The following SPCS3 variants were observed in gnomAD, a reference collection of about 807,000 sequenced individuals.
The protein encoded by SPCS3 is SPase 22 kDa subunit.
In SPCS3, 9 loss-of-function variants were observed where a neutral mutation model predicts 17.2. The ratio of observed to expected loss-of-function variants is 0.52; its 90% confidence interval spans 0.31 to 0.91. The LOEUF is 0.91. Among genes scored for constraint, SPCS3 ranks in the 40% least tolerant of loss-of-function variants. The pLI is 0.04. For missense variants in SPCS3, 139 were observed against 217.5 expected, an observed-to-expected ratio of 0.64 and a Z score of 2.27; for synonymous variants, 87 against 89.6, an observed-to-expected ratio of 0.97 and a Z score of 0.16.
At position 176,330,068 on chromosome 4, in the gene SPCS3, C is replaced by T. The variant is rs979584000; in HGVS notation, c.*1738C>T. 1 of 151,998 alleles carries T rather than the reference C, an allele frequency of 6.6e-6. No individual in the cohort carries two copies. Among genetic ancestry groups the T allele is most frequent in the Non-Finnish European group, 1.5e-5 (1 of 67,980 alleles). The allele number at this position is 151,998 out of a possible 1,614,324, so 9.4% of individuals were successfully genotyped here. ...TTATCTGTAAAATGACAGAGTTGGA[C>T]CAGTTAACTTTAATGGCCATCCTTT... On this transcript the variant is annotated 3_prime_UTR_variant, in exon 5 of 5. Coordinates refer to ENST00000503362, the MANE Select transcript of SPCS3 (RefSeq NM_021928.4).
In SPCS3 at chr4:176,322,234, A is replaced by T; in HGVS notation, c.208A>T (p.Ile70Leu). The part of the protein sequence containing the change: ...RSDLGFITFD[I>L]TADLENIFDW... ...TGATCTGGGATTTATCACATTTGATATAACTGCTGATATCCTTTAAGAAAA... is the reference window on the plus strand; with the variant it reads ...TGATCTGGGATTTATCACATTTGATTTAACTGCTGATATCCTTTAAGAAAA... Residue 70 changes from isoleucine (I) to leucine (L), a missense_variant, in exon 2 of 5, where the codon ATA becomes TTA. Coordinates refer to ENST00000503362, the MANE Select transcript of SPCS3 (RefSeq NM_021928.4). 6.3e-7 allele frequency: 1 copy of T among 1,592,224 alleles called. No homozygotes were observed. Among genetic ancestry groups the T allele is most frequent in the South Asian group, 1.1e-5 (1 of 90,366 alleles).
intron 3 of SPCS3, among the ~76,000 whole-genome samples, chr4:176,326,384 C>A (rs557862387): frequency 6.6e-6 from 1 of 151,976 alleles, no homozygotes; most frequent in East Asian, 1.9e-4. Flanking sequence ...GCCTTAAAAG[C>A]GAATAGATGC....
chr4:176,325,052 CTT>C (rs55912158), intron 3 of SPCS3, among the ~76,000 whole-genome samples: 12 of 123,856 alleles, frequency 9.7e-5, no homozygotes, highest in Admixed American at 1.7e-4. Context: ...TTTTTTTTTA[CTT>C]TTTTTTTTTT....
In SPCS3 at chr4:176,329,657, A is replaced by G. The variant is rs565023106; in HGVS notation, c.*1327A>G. On this transcript the variant is annotated 3_prime_UTR_variant, in exon 5 of 5. Transcript: ENST00000503362. Reference sequence around the variant, plus strand: ...TAAAAATAACTTAGAAATTCAGTACATAATACATGATTGAATACATGATCG... The same window carrying G: ...TAAAAATAACTTAGAAATTCAGTACGTAATACATGATTGAATACATGATCG... 2.0e-5 allele frequency: 3 copies of G among 152,294 alleles called. No homozygotes were observed. Among genetic ancestry groups the G allele is most frequent in the Admixed American group, 1.3e-4 (2 of 15,294 alleles). The allele number at this position is 152,294 out of a possible 1,614,324, so 9.4% of individuals were successfully genotyped here. A position where few individuals can be genotyped will look rare whatever the true frequency, so the allele number is the denominator to read the frequency against.
chr4:176,322,406 A>G (rs1410912303), intron 2 of SPCS3, among the ~76,000 whole-genome samples, 163 bp downstream of exon 2: 1 of 152,160 alleles, frequency 6.6e-6, no homozygotes, highest in Non-Finnish European at 1.5e-5. Flanking sequence ...TCCCCATGAC[A>G]CTTGGAGAAA....
chr4:176,325,915 A>G (rs1476177258), intron 3 of SPCS3, among the ~76,000 whole-genome samples: 1 of 152,088 alleles, frequency 6.6e-6, no homozygotes, highest in Non-Finnish European at 1.5e-5. Flanking sequence ...ATAACTTTCA[A>G]TCATAAACTA....
rs1180743263 is a variant in SPCS3, at chr4:176,330,872, G to T, written c.*2542G>T. 1 of 152,148 alleles carries T rather than the reference G, an allele frequency of 6.6e-6. No individual in the cohort carries two copies. The highest frequency in any genetic ancestry group is 1.9e-4 in the East Asian group (1 of 5,186). 9.4% of individuals were successfully genotyped at this position (152,148 alleles called of 1,614,324 possible). Reference sequence around the variant, plus strand: ...TAGAAATGAATTAATTTAAAAATGTGTTCACATATCCCTTTCTCTAACAGT... The same window carrying T: ...TAGAAATGAATTAATTTAAAAATGTTTTCACATATCCCTTTCTCTAACAGT... On this transcript the variant is annotated 3_prime_UTR_variant, in exon 5 of 5. Transcript: ENST00000503362.
intron 2 of SPCS3, among the ~76,000 whole-genome samples, chr4:176,323,300 A>G (rs981257757): frequency 1.3e-5 from 2 of 152,044 alleles, no homozygotes; most frequent in African/African-American, 4.8e-5. Flanking sequence ...ATTATAGTGA[A>G]ATTTCCTGGT....
At chr4:176,320,800 G>A (rs1731527417) in intron 1 of SPCS3, 1 of 152,288 alleles carries the variant, frequency 6.6e-6, no homozygotes, top group Non-Finnish European at 1.5e-5. Flanking sequence ...AACAGTTGGA[G>A]CTGCTTTGAA....
chr4:176,328,050 A>G lies in SPCS3; in HGVS notation c.411-148A>G, dbSNP rs942453088. 5.5e-4 allele frequency: 383 copies of G among 699,074 alleles called. 5 individuals are homozygous for G. The highest frequency in any genetic ancestry group is 1.3e-4 in the Non-Finnish European group (56 of 444,382). 43.3% of individuals were successfully genotyped at this position (699,074 alleles called of 1,614,324 possible). A position where few individuals can be genotyped will look rare whatever the true frequency, so the allele number is the denominator to read the frequency against. On this transcript the variant is annotated intron_variant, in intron 4 of 4. Transcript: ENST00000503362. ...CTTGGATTTTAAGTGACATGAGAAA[A>G]TAGTTCTTTTTGCAGATTAACATAT...
chr4:176,326,950 C>T (rs540419271), intron 3 of SPCS3: 2 of 388,412 alleles, frequency 5.1e-6, no homozygotes, highest in Non-Finnish European at 9.3e-6. Flanking sequence ...GGAATGAACT[C>T]CTTCAGGGAA....
rs1731683729 is a variant in SPCS3 at position 176,331,351 on chromosome 4, G to A, written c.*3021G>A. On this transcript the variant is annotated 3_prime_UTR_variant, in exon 5 of 5. Coordinates refer to ENST00000503362, the MANE Select transcript of SPCS3 (RefSeq NM_021928.4). ...GTGGGTTCATGGGGGAAAACCATGA[G>A]CTGTGAACATTGGTAGCAAACAAGC... 1 of 152,074 alleles carries A rather than the reference G, an allele frequency of 6.6e-6. No individual in the cohort carries two copies. Among genetic ancestry groups the A allele is most frequent in the African/African-American group, 2.4e-5 (1 of 41,398 alleles). 9.4% of individuals were successfully genotyped at this position (152,074 alleles called of 1,614,324 possible).
rs939535594 is a variant in SPCS3, at chr4:176,329,089, G to T, written c.*759G>T. The T allele has an allele frequency of 1.3e-5, 2 of 151,700 alleles. No individual in the cohort carries two copies. The highest frequency in any genetic ancestry group is 4.8e-5 in the African/African-American group (2 of 41,306). The allele number at this position is 151,700 out of a possible 1,614,324, so 9.4% of individuals were successfully genotyped here. ...GTTGCCATTGAAAGTTAAAATGTTTGCATGGTTTACCCTCTGAGTTATGTT... is the reference window on the plus strand; with the variant it reads ...GTTGCCATTGAAAGTTAAAATGTTTTCATGGTTTACCCTCTGAGTTATGTT... On this transcript the variant is annotated 3_prime_UTR_variant, in exon 5 of 5. Coordinates refer to ENST00000503362, the MANE Select transcript of SPCS3 (RefSeq NM_021928.4).
rs961723370 is a variant in SPCS3, at chr4:176,330,630, G to A, written c.*2300G>A. On this transcript the variant is annotated 3_prime_UTR_variant, in exon 5 of 5. Coordinates refer to ENST00000503362, the MANE Select transcript of SPCS3 (RefSeq NM_021928.4). ...CTTCAGTCTCAGGAACTCATTTTTG[G>A]GTGCAGTTTCTACATTTAAAAAATT... 3 of 152,168 alleles carry A rather than the reference G, an allele frequency of 2.0e-5. No homozygotes were observed. In the East Asian group the frequency reaches 5.8e-4, roughly 29 times the overall value. The allele number at this position is 152,168 out of a possible 1,614,324, so 9.4% of individuals were successfully genotyped here.
chr4:176,328,393 CCCTTA>C lies in SPCS3; in HGVS notation c.*65_*69del. 7.7e-7 allele frequency: 1 copy of C among 1,304,822 alleles called. No individual in the cohort carries two copies. The allele number at this position is 1,304,822 out of a possible 1,614,324, so 80.8% of individuals were successfully genotyped here. ...ATGAATTGTATCTCATTAATCTCTT[CCCTTA>C]CATCTTCATGTATTGTTGGTTTGTT... is the stretch of plus-strand genomic sequence containing the variant. On this transcript the variant is annotated 3_prime_UTR_variant, in exon 5 of 5. Transcript: ENST00000503362.
rs1731700546 is a variant in SPCS3, at chr4:176,332,162, C to T, written c.*3832C>T. 1 of 152,220 alleles carries T rather than the reference C, an allele frequency of 6.6e-6. No homozygotes were observed. The allele number at this position is 152,220 out of a possible 1,614,324, so 9.4% of individuals were successfully genotyped here. On this transcript the variant is annotated 3_prime_UTR_variant, in exon 5 of 5. Transcript: ENST00000503362. ...TGTAAGCTCTTTGAGGGCAGTCTGT[C>T]AGATTTATCTTTGTATCTTCCCCAG...
At chr4:176,321,942 T>A (rs1309107615) in intron 1 of SPCS3, 3 of 347,786 alleles carry the variant, frequency 8.6e-6, no homozygotes, top group Non-Finnish European at 1.6e-5. Flanking sequence ...TTCTGAGTTT[T>A]GTTAGGGATT....
chr4:176,327,336 G>T (rs908193436), intron 4 of SPCS3, 59 bp downstream of exon 4: 3 of 1,060,068 alleles, frequency 2.8e-6, no homozygotes, highest in Non-Finnish European at 3.9e-6. Flanking sequence ...AGAGAAAGAT[G>T]TATTTTTATT....
intron 2 of SPCS3, among the ~76,000 whole-genome samples, chr4:176,323,639 T>C (rs1372617167): frequency 1.3e-5 from 2 of 152,208 alleles, no homozygotes; most frequent in Admixed American, 1.3e-4. Flanking sequence ...TTTGGGAGAC[T>C]GAATTGAGCC....
Sources: allele counts gnomAD v4.1 joint callset (sites outside exome capture counted in the v4.1 genomes callset), GRCh38; gene constraint gnomAD v4.1.1; transcripts MANE v1.5; gene names NCBI Gene and HGNC (gene_info 2026-07-23, HGNC 2026-07-21).